Variants in CCR5AS observed in about 807,000 individuals in gnomAD.
CCR5AS encodes the protein CCR5 antisense RNA.
At chr3:46,376,911 G>C (rs1701766888) in intron 2 of CCR5AS, among the ~76,000 whole-genome samples, 1 of 152,182 alleles carries the variant, frequency 6.6e-6, no homozygotes, top group South Asian at 2.1e-4. Context: ...TGCATGAAAT[G>C]AGCAGAAGAC....
At chr3:46,375,369 C>T (rs1288059780) in intron 2 of CCR5AS, 1 of 166,952 alleles carries the variant, frequency 6.0e-6, no homozygotes, top group Non-Finnish European at 1.5e-5. Flanking sequence ...TATGAGGCAA[C>T]CACAGGCAGC....
At chr3:46,367,127 T>C (rs949275362) in intron 3 of CCR5AS, among the ~76,000 whole-genome samples, 1 of 152,184 alleles carries the variant, frequency 6.6e-6, no homozygotes, top group Non-Finnish European at 1.5e-5. Flanking sequence ...CAGGCTTATT[T>C]AATCTCTATG....
At chr3:46,403,191 G>A (rs1055175738) in intron 1 of CCR5AS, among the ~76,000 whole-genome samples, 1 of 152,168 alleles carries the variant, frequency 6.6e-6, no homozygotes, top group Non-Finnish European at 1.5e-5. Context: ...GAATAGTGCT[G>A]CAATGAACAT....
At chr3:46,371,504 T>A (rs1451705165) in intron 2 of CCR5AS, 1 of 152,202 alleles carries the variant, frequency 6.6e-6, no homozygotes, top group Non-Finnish European at 1.5e-5. Flanking sequence ...AGTTAGTATA[T>A]AATTCTTTAT....
chr3:46,398,491 A>G (rs1379361975), intron 1 of CCR5AS, among the ~76,000 whole-genome samples: 1 of 152,208 alleles, frequency 6.6e-6, no homozygotes, highest in Non-Finnish European at 1.5e-5. Flanking sequence ...TTACTTTATT[A>G]AAATTGTTTT....
intron 2 of CCR5AS, among the ~76,000 whole-genome samples, chr3:46,376,831 C>T (rs560545732): frequency 5.3e-5 from 8 of 152,316 alleles, no homozygotes; most frequent in African/African-American, 1.7e-4. Context: ...TTTTCAGTCA[C>T]TGCACACTCA....
chr3:46,373,436 C>T, intron 2 of CCR5AS: 1 of 1,612,194 alleles, frequency 6.2e-7, no homozygotes, highest in Non-Finnish European at 8.5e-7. Flanking sequence ...ATTACACCTG[C>T]AGCTCTCATT....
At chr3:46,391,044 A>G (rs1288332296) in intron 2 of CCR5AS, among the ~76,000 whole-genome samples, 2 of 152,350 alleles carry the variant, frequency 1.3e-5, no homozygotes, top group South Asian at 4.1e-4. Context: ...CTAAGCTGAG[A>G]AGATCTGGGA....
chr3:46,366,798 G>C (rs149789525), intron 3 of CCR5AS, among the ~76,000 whole-genome samples: 1 of 152,202 alleles, frequency 6.6e-6, no homozygotes, highest in East Asian at 1.9e-4. Context: ...GTAACAAAGC[G>C]TGGCACTGGA....
chr3:46,405,548 C>G (rs1186260273), intron 1 of CCR5AS, among the ~76,000 whole-genome samples: 1 of 152,156 alleles, frequency 6.6e-6, no homozygotes, highest in Non-Finnish European at 1.5e-5. Context: ...TGCCCAGCTG[C>G]AGGAGGTGGA....
rs192691016 is a variant in CCR5AS, at chr3:46,383,816, T to C, written n.391+9009A>G. ...TCTGCAGCTCAACATTCAGCATTCA[T>C]TCATTGATTCAGCAAACATTGAAGG... On this transcript the variant is annotated intron_variant and non_coding_transcript_variant, in intron 2 of 3. Coordinates refer to ENST00000451485, the Ensembl canonical transcript of CCR5AS. 2.6e-5 allele frequency among the ~76,000 whole-genome samples: 4 copies of C among 152,334 alleles called. No individual in the cohort carries two copies. In the East Asian group the frequency reaches 7.7e-4, roughly 29 times the overall value.
intron 3 of CCR5AS, among the ~76,000 whole-genome samples, chr3:46,370,457 G>A (rs974159336): frequency 2.0e-5 from 3 of 152,182 alleles, no homozygotes; most frequent in African/African-American, 7.2e-5. Context: ...CAGGGTTAAT[G>A]TGAAGTCCAG....
intron 1 of CCR5AS, among the ~76,000 whole-genome samples, chr3:46,401,679 G>A (rs1702006896): frequency 6.6e-6 from 1 of 152,078 alleles, no homozygotes; most frequent in African/African-American, 2.4e-5. Flanking sequence ...GCAGCAGCTG[G>A]GCCCCTCAGT....
intron 1 of CCR5AS, among the ~76,000 whole-genome samples, chr3:46,401,058 G>A (rs1041372143): frequency 6.6e-6 from 1 of 152,160 alleles, no homozygotes; most frequent in Admixed American, 6.5e-5. Flanking sequence ...GAGGAAAAGC[G>A]TGGGAGAAAG....
intron 3 of CCR5AS, among the ~76,000 whole-genome samples, chr3:46,369,613 A>T (rs1165765638): frequency 2.6e-5 from 4 of 152,158 alleles, no homozygotes; most frequent in African/African-American, 9.7e-5. Context: ...TTTTATTAGG[A>T]TTTGATCAAA....
chr3:46,385,968 G>GT (rs1262119945), intron 2 of CCR5AS, among the ~76,000 whole-genome samples: 1 of 152,040 alleles, frequency 6.6e-6, no homozygotes, highest in African/African-American at 2.4e-5. Flanking sequence ...TTGAGACAGG[G>GT]TCTCACTTTG....
intron 2 of CCR5AS, chr3:46,373,796 C>T: frequency 1.2e-6 from 2 of 1,613,844 alleles, no homozygotes; most frequent in Non-Finnish European, 1.7e-6. Flanking sequence ...TCATCTATGC[C>T]TTTGTCGGGG....
At chr3:46,406,586 T>C (rs914846797) in intron 1 of CCR5AS, among the ~76,000 whole-genome samples, 4 of 152,116 alleles carry the variant, frequency 2.6e-5, no homozygotes, top group African/African-American at 9.7e-5. Flanking sequence ...CCCACCCAAC[T>C]TGATGTCGCC....
rs140735440 is a variant in CCR5AS, at chr3:46,386,204, C to A, written n.391+6621G>T. On this transcript the variant is annotated intron_variant and non_coding_transcript_variant, in intron 2 of 3. Coordinates refer to ENST00000451485, the Ensembl canonical transcript of CCR5AS. ...GTGCTAGGATTACAGGAATGAGCCACCCCACCCGACCACACTCCCATTTCT... is the reference window on the plus strand; with the variant it reads ...GTGCTAGGATTACAGGAATGAGCCAACCCACCCGACCACACTCCCATTTCT... 1.6e-3 allele frequency among the ~76,000 whole-genome samples: 244 copies of A among 152,248 alleles called. 2 individuals are homozygous for A. The highest frequency in any genetic ancestry group is 0.01 in the Middle Eastern group (3 of 294).
Sources: allele counts gnomAD v4.1 joint callset (sites outside exome capture counted in the v4.1 genomes callset), GRCh38; gene constraint gnomAD v4.1.1; transcripts MANE v1.5; gene names NCBI Gene and HGNC (gene_info 2026-07-23, HGNC 2026-07-21).